Variants in LHFPL4 observed in about 807,000 individuals in gnomAD.
The protein encoded by LHFPL4 is LHFPL tetraspan subfamily member 4 protein.
LHFPL4 carries 6 observed loss-of-function variants against 20.0 expected under a neutral mutation model. The ratio of observed to expected loss-of-function variants is 0.30; its 90% CI spans 0.16 to 0.59. The LOEUF (loss-of-function observed/expected upper bound fraction) is 0.59, where lower values mean the gene tolerates loss of function less well. Among genes scored for constraint, LHFPL4 ranks in the 20% least tolerant of loss-of-function variants. The pLI is 0.88. For synonymous variants in LHFPL4, 129 were observed against 143.8 expected (o/e 0.90, Z 0.74); for missense variants, 215 against 331.2 (o/e 0.65, Z 2.72).
At chr3:9,530,606 T>A (rs2046402887) in intron 2 of LHFPL4, among the ~76,000 whole-genome samples, 1 of 152,334 alleles carries the variant, frequency 6.6e-6, no homozygotes, top group South Asian at 2.1e-4. Context: ...ATCATTCATG[T>A]GCTCACCGGA....
chr3:9,502,062 C>G lies in LHFPL4; in HGVS notation c.*149G>C. ...TCCCCCAGGCCACATCCAGGCTTTC[C>G]TCTCCTCAAAGCCTGGAGCTTGCAG... On this transcript the variant is annotated 3_prime_UTR_variant, in exon 4 of 4. Transcript: ENST00000287585. 1 of 656,184 alleles carries G rather than the reference C, an allele frequency of 1.5e-6. No homozygotes were observed. The highest frequency in any genetic ancestry group is 1.8e-5 in the South Asian group (1 of 54,458). 40.6% of individuals were successfully genotyped at this position (656,184 alleles called of 1,614,324 possible). A position where few individuals can be genotyped will look rare whatever the true frequency, so the allele number is the denominator to read the frequency against.
intron 2 of LHFPL4, among the ~76,000 whole-genome samples, chr3:9,545,384 A>G (rs1046266992): frequency 3.3e-5 from 5 of 152,178 alleles, no homozygotes; most frequent in Non-Finnish European, 7.3e-5. Flanking sequence ...CTGAAACAAG[A>G]CCCAGGGCAA....
intron 2 of LHFPL4, among the ~76,000 whole-genome samples, chr3:9,507,415 T>C (rs1249409941): frequency 1.3e-5 from 2 of 152,234 alleles, no homozygotes; most frequent in Non-Finnish European, 2.9e-5. Context: ...TCTTCATCTG[T>C]ACAATGGGGA....
intron 2 of LHFPL4, among the ~76,000 whole-genome samples, chr3:9,538,374 C>T (rs1385482488): frequency 6.6e-6 from 1 of 152,206 alleles, no homozygotes; most frequent in African/African-American, 2.4e-5. Context: ...CTAACTACTT[C>T]TCCAGGCTCC....
intron 2 of LHFPL4, among the ~76,000 whole-genome samples, chr3:9,527,155 G>A (rs2046381004): frequency 6.6e-6 from 1 of 150,840 alleles, no homozygotes; most frequent in Non-Finnish European, 1.5e-5. Context: ...AGGGAAGATA[G>A]AAATGAAGTT....
rs1328147958 is a variant in LHFPL4, at chr3:9,500,134, TCTC to T, written c.*2074_*2076del. 1 of 152,306 alleles carries T rather than the reference TCTC, an allele frequency of 6.6e-6. No individual in the cohort carries two copies. Among genetic ancestry groups the T allele is most frequent in the Non-Finnish European group, 1.5e-5 (1 of 68,454 alleles). 9.4% of individuals were successfully genotyped at this position (152,306 alleles called of 1,614,324 possible). ...CATCTCCCTGTCTCTGCACCCCTCT[TCTC>T]CTCACCCCAGTGTCTTCTCCCATTC... On this transcript the variant is annotated 3_prime_UTR_variant, in exon 4 of 4. Coordinates refer to ENST00000287585, the MANE Select transcript of LHFPL4 (RefSeq NM_198560.3).
rs149323802 is a variant in LHFPL4, at chr3:9,506,411, T to C, written c.407-208A>G. ...GAGGTCTACGATGGGTAGCAGAAAC[T>C]TTCTGGAACCCGCAATGCCCTCTCC... On this transcript the variant is annotated intron_variant, in intron 2 of 3. Coordinates refer to ENST00000287585, the MANE Select transcript of LHFPL4 (RefSeq NM_198560.3). This position sits in a 1 kb window ranked among gnomAD's most constrained non-coding sequence, Gnocchi z 4.5. Among the ~76,000 whole-genome samples, 283 of 152,154 alleles carry C rather than the reference T, an allele frequency of 1.9e-3. 1 individual carries two copies. Among genetic ancestry groups the C allele is most frequent in the African/African-American group, 6.5e-3 (268 of 41,496 alleles).
intron 2 of LHFPL4, among the ~76,000 whole-genome samples, chr3:9,517,815 T>TTG (rs1559517278): frequency 2.7e-5 from 4 of 150,494 alleles, no homozygotes; most frequent in African/African-American, 9.7e-5. Flanking sequence ...TTTGTTTTTT[T>TTG]TTTTTTGCTT....
intron 3 of LHFPL4, among the ~76,000 whole-genome samples, chr3:9,505,141 G>T (rs1233590109): frequency 1.3e-5 from 2 of 152,192 alleles, no homozygotes; most frequent in Admixed American, 6.5e-5. Context: ...GCCCTTGAAC[G>T]CTTCTCATGG....
intron 2 of LHFPL4, among the ~76,000 whole-genome samples, chr3:9,537,889 A>G (rs761366870): frequency 8.6e-5 from 13 of 152,034 alleles, no homozygotes; most frequent in Non-Finnish European, 1.8e-4. Flanking sequence ...CCTTCTCCTC[A>G]TCCCCAGACC....
chr3:9,531,454 CTG>C (rs1466922918), intron 2 of LHFPL4, among the ~76,000 whole-genome samples: 2 of 152,172 alleles, frequency 1.3e-5, no homozygotes, highest in Non-Finnish European at 2.9e-5. Context: ...ACGGTTACCT[CTG>C]AGAAGTAGCC....
chr3:9,550,698 C>T (rs1559525273), intron 2 of LHFPL4: 1 of 152,172 alleles, frequency 6.6e-6, no homozygotes, highest in Non-Finnish European at 1.5e-5. Flanking sequence ...ATATCACCTC[C>T]CTGGGTACCA....
intron 2 of LHFPL4, among the ~76,000 whole-genome samples, chr3:9,530,642 T>G (rs2046403087): frequency 6.6e-6 from 1 of 152,212 alleles, no homozygotes; most frequent in South Asian, 2.1e-4. Context: ...ATTCAAGAAC[T>G]TTTCCTTTGC....
intron 2 of LHFPL4, among the ~76,000 whole-genome samples, chr3:9,524,533 C>T (rs2046361383): frequency 6.6e-6 from 1 of 152,140 alleles, no homozygotes; most frequent in Non-Finnish European, 1.5e-5. Context: ...GGCCAGTCTA[C>T]TAAAAGCCCG....
intron 2 of LHFPL4, among the ~76,000 whole-genome samples, chr3:9,540,605 C>G (rs1488050371): frequency 2.6e-5 from 4 of 152,108 alleles, no homozygotes; most frequent in South Asian, 2.1e-4. Flanking sequence ...GTAATCAAGA[C>G]AGCCTGGGTT....
At chr3:9,546,156 A>G (rs1260123626) in intron 2 of LHFPL4, among the ~76,000 whole-genome samples, 1 of 151,290 alleles carries the variant, frequency 6.6e-6, no homozygotes, top group Non-Finnish European at 1.5e-5. Flanking sequence ...TCTACTAAAA[A>G]TACAAAAAAT....
At chr3:9,502,902 C>T (rs1361443836) in intron 3 of LHFPL4, among the ~76,000 whole-genome samples, 2 of 152,078 alleles carry the variant, frequency 1.3e-5, no homozygotes, top group African/African-American at 4.8e-5. Flanking sequence ...TAATGACAGC[C>T]AAGGACTTGG....
intron 2 of LHFPL4, among the ~76,000 whole-genome samples, chr3:9,518,188 C>CT (rs2125658921): frequency 1.3e-5 from 2 of 152,144 alleles, no homozygotes; most frequent in South Asian, 4.2e-4. Context: ...CTTCCTTAGT[C>CT]TGTTTATGTG....
chr3:9,553,051 C>T (rs1480639932), intron 1 of LHFPL4, among the ~76,000 whole-genome samples: 3 of 147,928 alleles, frequency 2.0e-5, no homozygotes, highest in East Asian at 4.0e-4. Context: ...GCTGGTATTA[C>T]GGGAGTAGGA....
Sources: allele counts gnomAD v4.1 joint callset (sites outside exome capture counted in the v4.1 genomes callset), GRCh38; gene constraint gnomAD v4.1.1; non-coding constraint Gnocchi (gnomAD v3.1); transcripts MANE v1.5; gene names NCBI Gene and HGNC (gene_info 2026-07-23, HGNC 2026-07-21).